IFT56: variants seen among roughly 807,000 people sequenced by gnomAD.
The protein encoded by IFT56 is intraflagellar transport 56.
At chr7:139,148,084 C>A in the IFT56 span, 1 of 803,238 alleles carries the variant, frequency 1.2e-6, no homozygotes, top group Non-Finnish European at 2.0e-6. Context: ...TCATATCTTG[C>A]CCTCTTTCTT....
At chr7:139,162,368 T>C in the IFT56 span, among the ~76,000 whole-genome samples, 1 of 152,160 alleles carries the variant, frequency 6.6e-6, no homozygotes, top group Non-Finnish European at 1.5e-5. Flanking sequence ...AATATATGAC[T>C]GAAAGGAACA....
the IFT56 span, among the ~76,000 whole-genome samples, chr7:139,165,613 TTTC>T: frequency 6.6e-6 from 1 of 152,234 alleles, no homozygotes; most frequent in Non-Finnish European, 1.5e-5. Context: ...GTATTAACTG[TTTC>T]TTATTTGCTT....
the IFT56 span, among the ~76,000 whole-genome samples, chr7:139,162,627 G>A: frequency 0.25 from 37,701 of 152,072 alleles, 8,452 homozygotes; most frequent in African/African-American, 0.57. Context: ...ACTTAACATT[G>A]CTGAGTCTGT....
the IFT56 span, among the ~76,000 whole-genome samples, chr7:139,145,266 C>T: frequency 6.6e-6 from 1 of 151,892 alleles, no homozygotes; most frequent in African/African-American, 2.4e-5. Flanking sequence ...GCTTAGTTTT[C>T]AGCAACTCAG....
At chr7:139,134,864 T>G in the IFT56 span, 180,272 of 1,500,358 alleles carry the variant, frequency 0.12, 26,027 homozygotes, top group African/African-American at 0.58. Context: ...GTGAATGCTG[T>G]TTGCTATGCT....
the IFT56 span, chr7:139,173,103 A>G: frequency 1.4e-6 from 1 of 716,358 alleles, no homozygotes; most frequent in Non-Finnish European, 2.6e-6. Context: ...TGGTTGGCTG[A>G]CTCTCTGTGG....
the IFT56 span, chr7:139,179,694 G>C: frequency 6.9e-7 from 1 of 1,444,512 alleles, no homozygotes; most frequent in South Asian, 1.2e-5. Context: ...TTTTCTTTTT[G>C]GTTGCATAAT....
chr7:139,169,933 G>C, the IFT56 span, among the ~76,000 whole-genome samples: 539 of 152,210 alleles, frequency 3.5e-3, 9 homozygotes, highest in East Asian at 0.031. Flanking sequence ...AGGACTGCCT[G>C]AGCCCAGGAA....
chr7:139,145,003 G>T, the IFT56 span, among the ~76,000 whole-genome samples: 3 of 152,142 alleles, frequency 2.0e-5, no homozygotes, highest in African/African-American at 7.2e-5. Context: ...TTAAAATATA[G>T]AGAGATAATT....
chr7:139,168,514 T>C, the IFT56 span: 1 of 722,858 alleles, frequency 1.4e-6, no homozygotes, highest in South Asian at 1.5e-5. Context: ...CTTTTATTTC[T>C]CCATATCCCC....
the IFT56 span, chr7:139,187,520 A>G: frequency 1.2e-6 from 2 of 1,614,220 alleles, no homozygotes; most frequent in Non-Finnish European, 1.7e-6. Flanking sequence ...CCAGATGATC[A>G]TAGCTGGGAG....
chr7:139,165,122 G>T, the IFT56 span: 11 of 1,603,814 alleles, frequency 6.9e-6, no homozygotes, highest in Middle Eastern at 8.3e-4. Flanking sequence ...CATGATTTCT[G>T]TATCTCTAGG....
the IFT56 span, among the ~76,000 whole-genome samples, chr7:139,179,883 C>G: frequency 7.7e-3 from 1,173 of 152,202 alleles, 25 homozygotes; most frequent in East Asian, 0.072. Context: ...GTACTTATAG[C>G]CTGAAAAATG....
the IFT56 span, among the ~76,000 whole-genome samples, chr7:139,176,644 A>G: frequency 4.6e-5 from 7 of 152,208 alleles, no homozygotes; most frequent in African/African-American, 1.7e-4. Context: ...CTGGTTGTCT[A>G]TGCCTGGCAT....
the IFT56 span, among the ~76,000 whole-genome samples, chr7:139,153,550 T>G: frequency 5.6e-4 from 85 of 152,306 alleles, no homozygotes; most frequent in African/African-American, 2.0e-3. Context: ...ATTTGCCTGC[T>G]CTGGATATTT....
chr7:139,175,045 A>G, the IFT56 span, among the ~76,000 whole-genome samples: 1 of 152,078 alleles, frequency 6.6e-6, no homozygotes, highest in Admixed American at 6.5e-5. Flanking sequence ...AGAAAGAAAA[A>G]AAAAGACATA....
the IFT56 span, chr7:139,133,779 GA>G: frequency 6.9e-6 from 11 of 1,598,778 alleles, no homozygotes; most frequent in Non-Finnish European, 8.6e-6. Context: ...CGTGGAGACA[GA>G]ACGTGCTGTG....
the IFT56 span, among the ~76,000 whole-genome samples, chr7:139,156,941 G>A: frequency 2.0e-5 from 3 of 152,004 alleles, no homozygotes; most frequent in African/African-American, 7.2e-5. Flanking sequence ...AGGGTGTCTT[G>A]GCTATTCTTG....
the IFT56 span, chr7:139,174,385 G>T: frequency 3.8e-5 from 17 of 446,926 alleles, no homozygotes; most frequent in South Asian, 2.8e-4. Context: ...GGCGGCCCGC[G>T]TTGGCATCAG....
Sources: allele counts gnomAD v4.1 joint callset (sites outside exome capture counted in the v4.1 genomes callset), GRCh38; gene constraint gnomAD v4.1.1; transcripts MANE v1.5; gene names NCBI Gene and HGNC (gene_info 2026-07-23, HGNC 2026-07-21).